Variants in CA10 observed in about 807,000 individuals in gnomAD.
CA10 encodes the protein carbonic anhydrase-related protein 10.
CA10 carries 14 observed loss-of-function variants against 44.2 expected under a neutral mutation model. That is an observed-to-expected ratio of 0.32 (90% CI 0.21 to 0.50). The LOEUF is 0.50. CA10 is among the 20% of genes least tolerant of loss of function. The pLI, the probability that CA10 is intolerant of heterozygous loss-of-function variation, is 0.99. For missense variants in CA10, 350 were observed against 409.7 expected (o/e 0.85, Z 1.26); for synonymous variants, 159 against 141.6 (o/e 1.12, Z -0.87).
chr17:51,949,052 G>T (rs535781872), intron 2 of CA10, among the ~76,000 whole-genome samples: 1 of 151,968 alleles, frequency 6.6e-6, no homozygotes, highest in Non-Finnish European at 1.5e-5. Context: ...TAAAAATAAC[G>T]GATACTATGA....
chr17:51,998,724 G>A (rs1371603867), intron 2 of CA10, among the ~76,000 whole-genome samples: 1 of 151,990 alleles, frequency 6.6e-6, no homozygotes, highest in Non-Finnish European at 1.5e-5. Context: ...ATCACACTGT[G>A]TAGTTTAATT....
chr17:51,924,734 G>A (rs1178897984), intron 3 of CA10, among the ~76,000 whole-genome samples: 3 of 152,044 alleles, frequency 2.0e-5, no homozygotes, highest in Non-Finnish European at 4.4e-5. Flanking sequence ...TCCATGGTTG[G>A]TTCATTTGGT....
At chr17:51,718,992 C>T (rs778471937) in intron 4 of CA10, among the ~76,000 whole-genome samples, 15 of 152,162 alleles carry the variant, frequency 9.9e-5, no homozygotes, top group South Asian at 4.2e-4. Flanking sequence ...GAAGCATGGC[C>T]AGGTCCAAAA....
chr17:51,968,020 G>A (rs1984144643), intron 2 of CA10, among the ~76,000 whole-genome samples: 1 of 151,772 alleles, frequency 6.6e-6, no homozygotes, highest in Non-Finnish European at 1.5e-5. Context: ...AAAGCCTAGT[G>A]TTGTCTCCAG....
intron 2 of CA10, among the ~76,000 whole-genome samples, chr17:52,028,302 T>A (rs1261578470): frequency 2.6e-5 from 4 of 152,274 alleles, no homozygotes; most frequent in Non-Finnish European, 4.4e-5. Flanking sequence ...TACAAGTGTG[T>A]TCTCATTTTT....
At chr17:52,114,983 C>T (rs1172284623) in intron 1 of CA10, among the ~76,000 whole-genome samples, 1 of 152,174 alleles carries the variant, frequency 6.6e-6, no homozygotes, top group Non-Finnish European at 1.5e-5. Flanking sequence ...GGAAGGGTCC[C>T]CAGAGAATTT....
At chr17:51,977,841 G>C (rs1382704579) in intron 2 of CA10, among the ~76,000 whole-genome samples, 1 of 152,002 alleles carries the variant, frequency 6.6e-6, no homozygotes. Flanking sequence ...TAATACTGCA[G>C]AATACAATCC....
intron 3 of CA10, among the ~76,000 whole-genome samples, chr17:51,804,808 A>G (rs1036172573): frequency 6.6e-6 from 1 of 152,200 alleles, no homozygotes; most frequent in African/African-American, 2.4e-5. Flanking sequence ...TCTTTGTTTT[A>G]TTACCTTAGA....
chr17:52,079,453 C>T (rs1987907339), intron 1 of CA10, among the ~76,000 whole-genome samples: 1 of 125,742 alleles, frequency 8.0e-6, no homozygotes, highest in African/African-American at 4.8e-5. Context: ...AGCGAGACTC[C>T]GTCAAAAAAA....
intron 1 of CA10, among the ~76,000 whole-genome samples, chr17:52,086,902 T>C (rs911753996): frequency 4.6e-5 from 7 of 152,216 alleles, no homozygotes; most frequent in African/African-American, 1.7e-4. Flanking sequence ...GACTCTGTTG[T>C]AGGGCATTTA....
chr17:52,010,667 G>C lies in CA10; in HGVS notation c.136+61652C>G, dbSNP rs940100898. ...GATAAAAGACTGCACATTGGGTACA[G>C]TTTACACTACTTGGGTGATGGGTAC... On this transcript the variant is annotated intron_variant, in intron 2 of 8. Coordinates refer to ENST00000451037, the MANE Select transcript of CA10 (RefSeq NM_020178.5). Among the ~76,000 whole-genome samples, 3 of 151,892 alleles carry C rather than the reference G, an allele frequency of 2.0e-5. No homozygotes were observed. In the South Asian group the frequency reaches 6.2e-4, roughly 32 times the overall value.
intron 3 of CA10, among the ~76,000 whole-genome samples, chr17:51,781,390 A>C (rs1321563590): frequency 6.6e-6 from 1 of 152,192 alleles, no homozygotes; most frequent in Non-Finnish European, 1.5e-5. Context: ...TGGGATTGTC[A>C]TGAGTTCGGA....
At chr17:52,143,195 T>G (rs1210947483) in intron 1 of CA10, among the ~76,000 whole-genome samples, 2 of 152,224 alleles carry the variant, frequency 1.3e-5, no homozygotes, top group African/African-American at 2.4e-5. Context: ...CAATGACATA[T>G]CTATCCATCT....
chr17:52,045,593 G>C (rs963482508), intron 2 of CA10, among the ~76,000 whole-genome samples: 2 of 151,930 alleles, frequency 1.3e-5, no homozygotes, highest in Non-Finnish European at 2.9e-5. Context: ...TAATAAGAGT[G>C]CTTCAAAATA....
intron 2 of CA10, among the ~76,000 whole-genome samples, chr17:52,052,270 T>C (rs1233144610): frequency 6.9e-6 from 1 of 145,562 alleles, no homozygotes; most frequent in Non-Finnish European, 1.5e-5. Flanking sequence ...CCTGCACTTG[T>C]ACCCCTGAAC....
intron 1 of CA10, among the ~76,000 whole-genome samples, chr17:52,079,199 T>G (rs992272217): frequency 6.6e-6 from 1 of 152,156 alleles, no homozygotes; most frequent in Admixed American, 6.5e-5. Flanking sequence ...GACAGGAGAA[T>G]GGCGTGAACC....
At chr17:51,711,463 C>G (rs769133233) in intron 4 of CA10, among the ~76,000 whole-genome samples, 18 of 152,176 alleles carry the variant, frequency 1.2e-4, no homozygotes, top group Non-Finnish European at 2.1e-4. Context: ...AAGGCCCAAT[C>G]TGAATGAGTG....
chr17:51,661,204 G>A (rs1336617770), intron 4 of CA10, among the ~76,000 whole-genome samples: 1 of 149,136 alleles, frequency 6.7e-6, no homozygotes, highest in Non-Finnish European at 1.5e-5. Flanking sequence ...TCCTATACCT[G>A]GTACATATTA....
At chr17:51,877,685 G>A (rs1980139649) in intron 3 of CA10, among the ~76,000 whole-genome samples, 2 of 152,028 alleles carry the variant, frequency 1.3e-5, no homozygotes, top group African/African-American at 4.8e-5. Flanking sequence ...TCACTGTATT[G>A]GTGCAAACAT....
Sources: gnomAD v4.1 joint callset for allele counts (sites outside exome capture counted in the v4.1 genomes callset) on GRCh38, gnomAD v4.1.1 for gene constraint, MANE v1.5 for transcripts, NCBI Gene and HGNC (gene_info 2026-07-23, HGNC 2026-07-21) for gene names.